The following PSD3 variants were observed in gnomAD, a reference collection of about 807,000 sequenced individuals.
PSD3 encodes the protein pleckstrin and Sec7 domain containing 3, also known as PH and SEC7 domain-containing protein 3.
Under a neutral mutation model 105.5 loss-of-function variants are expected in PSD3, and 49 were observed. The observed-to-expected ratio is 0.46, with a 90% CI of 0.37 to 0.59. The LOEUF is 0.59. PSD3 is among the 20% of genes least tolerant of loss of function. PSD3 has a pLI of 0.00. For synonymous variants in PSD3, 557 were observed against 457.8 expected, an observed-to-expected ratio of 1.22 and a Z score of -2.77; for missense variants, 1,561 against 1,263.8, an observed-to-expected ratio of 1.24 and a Z score of -3.57.
intron 12 of PSD3, among the ~76,000 whole-genome samples, chr8:18,588,510 C>G (rs1479781664): frequency 6.6e-6 from 1 of 152,166 alleles, no homozygotes; most frequent in Non-Finnish European, 1.5e-5. Flanking sequence ...TGCTAGCATT[C>G]TTATGATTTA....
At chr8:19,005,481 GTTTT>G (rs551463988) in intron 1 of PSD3, among the ~76,000 whole-genome samples, 7 of 151,776 alleles carry the variant, frequency 4.6e-5, no homozygotes, top group Non-Finnish European at 7.4e-5. Flanking sequence ...AATTTTTGGG[GTTTT>G]TTTGTTTTCT....
intron 9 of PSD3, among the ~76,000 whole-genome samples, chr8:18,709,765 C>G (rs1253605077): frequency 2.6e-5 from 4 of 152,034 alleles, no homozygotes; most frequent in African/African-American, 9.7e-5. Context: ...GAAGAGGGAC[C>G]TAACTATTAA....
At chr8:18,784,864 C>G (rs1808979591) in intron 8 of PSD3, among the ~76,000 whole-genome samples, 2 of 152,124 alleles carry the variant, frequency 1.3e-5, no homozygotes, top group African/African-American at 4.8e-5. Context: ...GGCTTTATAA[C>G]ACAGACATGG....
intron 14 of PSD3, among the ~76,000 whole-genome samples, chr8:18,566,756 C>A (rs768213028): frequency 3.5e-4 from 53 of 152,148 alleles, no homozygotes; most frequent in Admixed American, 1.0e-3. Context: ...TATTTAAAAT[C>A]TTCAATCCCT....
chr8:18,595,553 AAG>A, intron 12 of PSD3, among the ~76,000 whole-genome samples: 1 of 152,052 alleles, frequency 6.6e-6, no homozygotes, highest in East Asian at 1.9e-4. Context: ...TTTAGATTTA[AAG>A]ACACACACAC....
At position 18,532,077 on chromosome 8, in the gene PSD3, T is replaced by A. The variant is rs1475263102; in HGVS notation, c.*3666A>T. Reference sequence around the variant, plus strand: ...TTGTTAGTAAGACAATGGAGAAACTTCTTTAACGTCAATTTTCTTCCAATT... The same window carrying A: ...TTGTTAGTAAGACAATGGAGAAACTACTTTAACGTCAATTTTCTTCCAATT... On this transcript the variant is annotated 3_prime_UTR_variant, in exon 16 of 16. Coordinates refer to ENST00000327040, the MANE Select transcript of PSD3 (RefSeq NM_015310.4). 3.9e-5 allele frequency: 6 copies of A among 152,220 alleles called. No homozygotes were observed. The highest frequency in any genetic ancestry group is 7.3e-5 in the Non-Finnish European group (5 of 68,048). The allele number at this position is 152,220 out of a possible 1,614,324, so 9.4% of individuals were successfully genotyped here.
intron 12 of PSD3, among the ~76,000 whole-genome samples, chr8:18,582,154 G>C (rs971670129): frequency 6.6e-6 from 1 of 152,112 alleles, no homozygotes; most frequent in Non-Finnish European, 1.5e-5. Context: ...GAGAAAAAGA[G>C]GAGTGGAGTG....
intron 9 of PSD3, among the ~76,000 whole-genome samples, chr8:18,663,480 T>A (rs1394629559): frequency 6.6e-6 from 1 of 151,992 alleles, no homozygotes; most frequent in Non-Finnish European, 1.5e-5. Flanking sequence ...TTGCTAATTA[T>A]CTTTTGTACT....
At chr8:19,015,313 G>C (rs147124952), upstream of PSD3, among the ~76,000 whole-genome samples, 48 of 152,286 alleles carry the variant, frequency 3.2e-4, 1 homozygote, top group East Asian at 7.1e-3. Flanking sequence ...ATGTGGAACT[G>C]CAAGTCCAAT....
chr8:18,888,912 G>A (rs1818604128), intron 2 of PSD3, among the ~76,000 whole-genome samples: 1 of 152,130 alleles, frequency 6.6e-6, no homozygotes, highest in South Asian at 2.1e-4. Flanking sequence ...AGCTGGAAGT[G>A]AAGCAGCCCT....
chr8:18,935,905 T>C, intron 2 of PSD3, 129 bp downstream of exon 2: 1 of 590,912 alleles, frequency 1.7e-6, no homozygotes, highest in Non-Finnish European at 3.0e-6. Context: ...GAAGATTGTT[T>C]TGATGAATAA....
At chr8:18,565,729 G>T (rs1801698081) in intron 14 of PSD3, among the ~76,000 whole-genome samples, 1 of 152,112 alleles carries the variant, frequency 6.6e-6, no homozygotes, top group Non-Finnish European at 1.5e-5. Context: ...CCAGGTTGTG[G>T]GAGTATGGGG....
intron 1 of PSD3, among the ~76,000 whole-genome samples, chr8:18,950,532 G>C (rs116820253): frequency 0.026 from 3,957 of 152,076 alleles, 167 homozygotes; most frequent in African/African-American, 0.09. Context: ...ATCATCTCCC[G>C]ATTTCCCCTA....
intron 8 of PSD3, among the ~76,000 whole-genome samples, chr8:18,789,631 A>C (rs1380782755): frequency 6.6e-6 from 1 of 152,206 alleles, no homozygotes; most frequent in African/African-American, 2.4e-5. Flanking sequence ...TATTTCATGG[A>C]AAGCACTTCC....
At chr8:18,900,331 A>G (rs551258091) in intron 2 of PSD3, among the ~76,000 whole-genome samples, 1 of 152,122 alleles carries the variant, frequency 6.6e-6, no homozygotes, top group Non-Finnish European at 1.5e-5. Flanking sequence ...TTTTCAATAT[A>G]AAAAAGTTCA....
At chr8:18,681,804 T>C (rs2130953639) in intron 9 of PSD3, among the ~76,000 whole-genome samples, 2 of 152,244 alleles carry the variant, frequency 1.3e-5, no homozygotes, top group African/African-American at 4.8e-5. Flanking sequence ...ATCCTAAAAA[T>C]ATCTCTTGTG....
At chr8:18,651,886 CT>C (rs1472525177) in intron 10 of PSD3, among the ~76,000 whole-genome samples, 1 of 151,994 alleles carries the variant, frequency 6.6e-6, no homozygotes, top group Admixed American at 6.5e-5. Flanking sequence ...CGTGAAGGGC[CT>C]AATTAAAGTT....
At chr8:19,049,234 T>C (rs1483547707) in intron 1 of PSD3, among the ~76,000 whole-genome samples, 1 of 152,138 alleles carries the variant, frequency 6.6e-6, no homozygotes, top group Admixed American at 6.5e-5. Flanking sequence ...CATAATAGGC[T>C]CCAAAAGGAG....
At chr8:18,944,575 TAA>T (rs1822746091) in intron 1 of PSD3, among the ~76,000 whole-genome samples, 2 of 2,986 alleles carry the variant, frequency 6.7e-4, no homozygotes, top group Non-Finnish European at 0.036. Context: ...CATCTCAAAA[TAA>T]ATAAATAAAT....
Sources: gnomAD v4.1 joint callset for allele counts (sites outside exome capture counted in the v4.1 genomes callset) on GRCh38, gnomAD v4.1.1 for gene constraint, MANE v1.5 for transcripts, NCBI Gene and HGNC (gene_info 2026-07-23, HGNC 2026-07-21) for gene names.